The following ST18 variants were observed in gnomAD, a reference collection of about 807,000 sequenced individuals.
ST18 encodes the protein ST18 C2H2C-type zinc finger transcription factor.
ST18 carries 50 observed loss-of-function variants against 110.0 expected under a neutral mutation model. That is an observed-to-expected ratio of 0.45 (90% CI 0.36 to 0.58). The LOEUF is 0.58. Ranked by LOEUF, ST18 falls within the 20% of genes least tolerant of loss-of-function variation. The pLI is 0.00. For missense variants in ST18, 1,306 were observed against 1,280.1 expected (o/e 1.02, Z -0.31); for synonymous variants, 461 against 452.4 (o/e 1.02, Z -0.24).
At chr8:52,269,082 A>C (rs2094982066) in intron 2 of ST18, among the ~76,000 whole-genome samples, 1 of 152,188 alleles carries the variant, frequency 6.6e-6, no homozygotes, top group Non-Finnish European at 1.5e-5. Flanking sequence ...CTAGGAAAAA[A>C]TTTTAGACTA....
intron 15 of ST18, among the ~76,000 whole-genome samples, chr8:52,158,225 G>A (rs2132994531): frequency 6.6e-6 from 1 of 152,278 alleles, no homozygotes; most frequent in South Asian, 2.1e-4. Flanking sequence ...GGAAAGGAGA[G>A]GGTATTGGAG....
At chr8:52,131,870 AGGG>A in intron 22 of ST18, 85 bp downstream of exon 22, 8 of 1,224,898 alleles carry the variant, frequency 6.5e-6, no homozygotes, top group Non-Finnish European at 8.2e-6. Context: ...AACAACCTTT[AGGG>A]GGTTGTTCAC....
In ST18 at chr8:52,149,776, T is replaced by C. The variant is rs1397288776; in HGVS notation, c.2008A>G (p.Ile670Val). ...LCDQEGWDTP[I>V]NYSKTHGKTE... ...TTCCCGTGAGTTTTGCTATAGTTGA[T>C]AGGAGTGTCCCAGCCCTCTTGGTCA... The change falls in exon 16 of 26, where the codon ATC (isoleucine) becomes GTC (valine). Residue 670 changes from isoleucine (I) to valine (V), a missense_variant. Transcript: ENST00000689386. The C allele has an allele frequency of 2.5e-6, 4 of 1,614,060 alleles. No individual in the cohort carries two copies. Among genetic ancestry groups the C allele is most frequent in the Non-Finnish European group, 3.4e-6 (4 of 1,180,032 alleles).
intron 2 of ST18, among the ~76,000 whole-genome samples, chr8:52,390,124 G>A (rs1334795804): frequency 6.6e-6 from 1 of 152,132 alleles, no homozygotes; most frequent in Non-Finnish European, 1.5e-5. Context: ...TCCCATGCGA[G>A]CATGCTGCTT....
rs1164561636 is a variant in ST18, at chr8:52,164,097, A to T, written c.1296-7T>A. The T allele has an allele frequency of 5.0e-6, 8 of 1,609,220 alleles. No homozygotes were observed. The Admixed American group carries it at 1.3e-4, about 27-fold the overall frequency. On this transcript the variant is annotated splice_region_variant and splice_polypyrimidine_tract_variant and intron_variant, in intron 12 of 25. Coordinates refer to ENST00000689386, the MANE Select transcript of ST18 (RefSeq NM_001352837.2). ...AATTGGACAACCAGAAAGACTGTTT[A>T]AAAAAAGAAACACAGGAGGATTTTA...
chr8:52,279,182 C>G (rs1163892473), intron 2 of ST18, among the ~76,000 whole-genome samples: 2 of 152,044 alleles, frequency 1.3e-5, no homozygotes, highest in African/African-American at 4.8e-5. Context: ...ATGAACATAT[C>G]TAATCTATGA....
chr8:52,186,334 C>T (rs957439039), intron 8 of ST18, among the ~76,000 whole-genome samples: 5 of 152,320 alleles, frequency 3.3e-5, no homozygotes, highest in African/African-American at 7.2e-5. Flanking sequence ...CAGATTCTTT[C>T]GTCTCCAGGG....
intron 2 of ST18, among the ~76,000 whole-genome samples, chr8:52,358,928 T>A (rs113189905): frequency 1.6e-4 from 24 of 151,960 alleles, no homozygotes; most frequent in South Asian, 4.1e-4. Context: ...AACAAAAACC[T>A]ATAGATCAAT....
At chr8:52,182,321 TG>T (rs2070073293) in intron 8 of ST18, among the ~76,000 whole-genome samples, 1 of 152,202 alleles carries the variant, frequency 6.6e-6, no homozygotes, top group South Asian at 2.1e-4. Flanking sequence ...GAGGAACATT[TG>T]CCCAGTTTTC....
intron 5 of ST18, among the ~76,000 whole-genome samples, chr8:52,218,188 A>G (rs1203658012): frequency 6.6e-6 from 1 of 152,082 alleles, no homozygotes; most frequent in Non-Finnish European, 1.5e-5. Context: ...AGGGCTCTAC[A>G]CATTAATATA....
chr8:52,371,724 C>T (rs1199461001), intron 2 of ST18, among the ~76,000 whole-genome samples: 1 of 152,176 alleles, frequency 6.6e-6, no homozygotes. Flanking sequence ...TGCATACACA[C>T]GGTGATCCCA....
At chr8:52,187,846 C>A (rs1183266084) in intron 8 of ST18, among the ~76,000 whole-genome samples, 1 of 152,062 alleles carries the variant, frequency 6.6e-6, no homozygotes, top group East Asian at 1.9e-4. Flanking sequence ...ATTTCTATAC[C>A]ACATTTCTAA....
intron 8 of ST18, chr8:52,199,504 T>G (rs995113682): frequency 6.6e-6 from 1 of 152,144 alleles, no homozygotes; most frequent in Non-Finnish European, 1.5e-5. Context: ...TGCCAAGAAA[T>G]TGCCCTGCAT....
At chr8:52,125,746 T>C in intron 23 of ST18, 1 of 274,462 alleles carries the variant, frequency 3.6e-6, no homozygotes, top group Non-Finnish European at 6.8e-6. Context: ...ATCCTTGGTC[T>C]CCCAAAGTGC....
chr8:52,306,214 T>C (rs2095810456), intron 2 of ST18, among the ~76,000 whole-genome samples: 1 of 152,206 alleles, frequency 6.6e-6, no homozygotes. Context: ...GCTCTGGCCA[T>C]CTTAACTAAA....
At chr8:52,154,331 C>A (rs2059517850) in intron 15 of ST18, 1 of 152,230 alleles carries the variant, frequency 6.6e-6, no homozygotes, top group Non-Finnish European at 1.5e-5. Context: ...AGACTTTGAA[C>A]TTTAAACATT....
rs760172328 is a variant in ST18, at chr8:52,137,487, A to G, written c.2169-4T>C. ...ATCACATCCTGGTGTTGGACAGCTG[A>G]GTCAATAGAAAATACATCATTAGAG... On this transcript the variant is annotated splice_region_variant and splice_polypyrimidine_tract_variant and intron_variant, in intron 17 of 25. Coordinates refer to ENST00000689386, the MANE Select transcript of ST18 (RefSeq NM_001352837.2). 1.9e-6 allele frequency: 3 copies of G among 1,614,020 alleles called. No individual in the cohort carries two copies. The highest frequency in any genetic ancestry group is 2.2e-5 in the East Asian group (1 of 44,848).
At position 52,116,450 on chromosome 8, in the gene ST18, G is replaced by A. The variant is rs750793196; in HGVS notation, c.2860-32C>T. The A allele has an allele frequency of 7.5e-6, 12 of 1,599,566 alleles. No individual in the cohort carries two copies. The South Asian group carries it at 1.3e-4, about 18-fold the overall frequency. On this transcript the variant is annotated intron_variant, in intron 24 of 25. Transcript: ENST00000689386. ...CAGAAATAACTTGGGAATGTGAGTA[G>A]TGGAGTTTGGAAGGAGTGTAAAAGG...
chr8:52,200,866 G>A (rs1251306516), intron 8 of ST18, among the ~76,000 whole-genome samples: 1 of 152,182 alleles, frequency 6.6e-6, no homozygotes, highest in Non-Finnish European at 1.5e-5. Context: ...ATCAATTCAT[G>A]GCAGAAGATA....
Sources: allele counts gnomAD v4.1 joint callset (sites outside exome capture counted in the v4.1 genomes callset), GRCh38; gene constraint gnomAD v4.1.1; transcripts MANE v1.5; gene names NCBI Gene and HGNC (gene_info 2026-07-23, HGNC 2026-07-21).